The following PRDM5 variants were observed in gnomAD, a reference collection of about 807,000 sequenced individuals.
PRDM5 encodes PR domain zinc finger protein 5.
Under a neutral mutation model 81.2 loss-of-function variants are expected in PRDM5, and 56 were observed. The observed-to-expected ratio is 0.69, with a 90% confidence interval of 0.56 to 0.86. The LOEUF (loss-of-function observed/expected upper bound fraction) is 0.86, where lower values mean the gene tolerates loss of function less well. Ranked by LOEUF, PRDM5 falls within the 40% of genes least tolerant of loss-of-function variation. PRDM5 has a pLI of 0.00. For missense variants in PRDM5, 697 were observed against 770.1 expected, an observed-to-expected ratio of 0.91 and a Z score of 1.12; for synonymous variants, 267 against 256.4, an observed-to-expected ratio of 1.04 and a Z score of -0.39.
intron 15 of PRDM5, 93 bp downstream of exon 15, chr4:120,710,206 AACACACACAC>A: frequency 2.1e-6 from 2 of 951,190 alleles, no homozygotes; most frequent in African/African-American, 3.3e-5. Flanking sequence ...CCAGCAATGC[AACACACACAC>A]ACAGACACAC....
chr4:120,720,755 C>G (rs1578470893), intron 14 of PRDM5, among the ~76,000 whole-genome samples: 2 of 152,100 alleles, frequency 1.3e-5, no homozygotes, highest in African/African-American at 4.8e-5. Flanking sequence ...CAAAACATAC[C>G]CATGGCCTAG....
chr4:120,772,832 C>T (rs748603782), intron 13 of PRDM5, among the ~76,000 whole-genome samples: 1 of 152,150 alleles, frequency 6.6e-6, no homozygotes, highest in Non-Finnish European at 1.5e-5. Context: ...ATTACTATTA[C>T]ATTATTTGTC....
chr4:120,735,103 T>C (rs1367086418), intron 14 of PRDM5, among the ~76,000 whole-genome samples: 1 of 152,234 alleles, frequency 6.6e-6, no homozygotes, highest in African/African-American at 2.4e-5. Context: ...GAGTTCTCTA[T>C]ACATGTAACA....
chr4:120,799,214 C>T (rs913030166), intron 9 of PRDM5, among the ~76,000 whole-genome samples: 3 of 152,212 alleles, frequency 2.0e-5, no homozygotes, highest in Admixed American at 2.0e-4. Context: ...AGATTTCTTA[C>T]TAACATGTAT....
At chr4:120,811,728 C>A (rs1055621612) in intron 7 of PRDM5, among the ~76,000 whole-genome samples, 13 of 151,776 alleles carry the variant, frequency 8.6e-5, no homozygotes, top group Non-Finnish European at 1.5e-5. Flanking sequence ...GCTTATATAC[C>A]TTTTCATAAT....
chr4:120,745,007 A>T (rs1013864883), intron 14 of PRDM5, among the ~76,000 whole-genome samples: 7 of 149,692 alleles, frequency 4.7e-5, no homozygotes, highest in African/African-American at 1.7e-4. Context: ...AATATCCTTG[A>T]TTAACACTGA....
At chr4:120,804,878 C>T (rs1752676992) in intron 8 of PRDM5, among the ~76,000 whole-genome samples, 3 of 151,994 alleles carry the variant, frequency 2.0e-5, no homozygotes, top group Admixed American at 2.0e-4. Context: ...AACAGAGACA[C>T]AAAAAACCCT....
At chr4:120,828,498 C>A (rs1184978144) in intron 3 of PRDM5, among the ~76,000 whole-genome samples, 1 of 151,996 alleles carries the variant, frequency 6.6e-6, no homozygotes, top group East Asian at 1.9e-4. Context: ...ATAATCAGGT[C>A]AGGAATGAAG....
At chr4:120,839,529 C>T (rs964816489) in intron 3 of PRDM5, among the ~76,000 whole-genome samples, 7 of 152,196 alleles carry the variant, frequency 4.6e-5, no homozygotes, top group African/African-American at 1.7e-4. Context: ...CTGCTCTGCT[C>T]TGGCTGAGCC....
chr4:120,758,865 C>T (rs910805360), intron 13 of PRDM5, among the ~76,000 whole-genome samples: 1 of 151,996 alleles, frequency 6.6e-6, no homozygotes, highest in Non-Finnish European at 1.5e-5. Flanking sequence ...ACACCATTCT[C>T]CTACCTCAGC....
At chr4:120,909,822 C>T (rs567939070) in intron 1 of PRDM5, among the ~76,000 whole-genome samples, 62 of 87,232 alleles carry the variant, frequency 7.1e-4, no homozygotes, top group African/African-American at 2.2e-3. Context: ...AAAGCTTCAC[C>T]ATTAATAGAG....
At chr4:120,922,022 G>A (rs1724996952) in intron 1 of PRDM5, among the ~76,000 whole-genome samples, 1 of 152,206 alleles carries the variant, frequency 6.6e-6, no homozygotes, top group Non-Finnish European at 1.5e-5. Flanking sequence ...GCTCTGGGCT[G>A]CTCCTCCCAT....
At chr4:120,685,857 G>C (rs1042802868) in intron 1 of PRDM5, among the ~76,000 whole-genome samples, 1 of 151,644 alleles carries the variant, frequency 6.6e-6, no homozygotes, top group Non-Finnish European at 1.5e-5. Flanking sequence ...ATATAGTTTG[G>C]ATATGTATCC....
chr4:120,876,257 C>A (rs1029562706), intron 2 of PRDM5, among the ~76,000 whole-genome samples: 2 of 152,240 alleles, frequency 1.3e-5, no homozygotes, highest in Admixed American at 1.3e-4. Flanking sequence ...CCTTCCACCA[C>A]TGCAAAAGAA....
At chr4:120,715,245 T>C (rs1737579409) in intron 14 of PRDM5, among the ~76,000 whole-genome samples, 1 of 152,212 alleles carries the variant, frequency 6.6e-6, no homozygotes. Context: ...TCATTACTTT[T>C]TTTACAAGTT....
In PRDM5 at chr4:120,694,939, G is replaced by C; in HGVS notation, c.*172C>G. Reference sequence around the variant, plus strand: ...CCATTTATACCATTTCTTGTTAAAAGTAAGACTTTTTTTTGGTTGCATATG... The same window carrying C: ...CCATTTATACCATTTCTTGTTAAAACTAAGACTTTTTTTTGGTTGCATATG... On this transcript the variant is annotated 3_prime_UTR_variant, in exon 16 of 16. Transcript: ENST00000264808. 2.8e-6 allele frequency: 2 copies of C among 710,984 alleles called. No homozygotes were observed. The highest frequency in any genetic ancestry group is 1.8e-5 in the South Asian group (1 of 56,668). 44.0% of individuals were successfully genotyped at this position (710,984 alleles called of 1,614,324 possible). A position where few individuals can be genotyped will look rare whatever the true frequency, so the allele number is the denominator to read the frequency against.
chr4:120,831,104 A>T (rs1023730339), intron 3 of PRDM5, among the ~76,000 whole-genome samples: 1 of 152,116 alleles, frequency 6.6e-6, no homozygotes, highest in African/African-American at 2.4e-5. Flanking sequence ...TTATTTAAAA[A>T]TAAGTTATCA....
intron 15 of PRDM5, among the ~76,000 whole-genome samples, chr4:120,708,065 G>T (rs921788389): frequency 6.6e-6 from 1 of 152,036 alleles, no homozygotes; most frequent in Non-Finnish European, 1.5e-5. Context: ...ATGTAAAATG[G>T]TGTCGCTCCT....
intron 2 of PRDM5, among the ~76,000 whole-genome samples, chr4:120,884,116 G>A (rs997015353): frequency 1.3e-5 from 2 of 151,976 alleles, no homozygotes; most frequent in African/African-American, 4.8e-5. Flanking sequence ...TATTACTACT[G>A]CATATATTGA....
Sources: allele counts gnomAD v4.1 joint callset (sites outside exome capture counted in the v4.1 genomes callset), GRCh38; gene constraint gnomAD v4.1.1; transcripts MANE v1.5; gene names NCBI Gene and HGNC (gene_info 2026-07-23, HGNC 2026-07-21).